The following TBC1D12 variants were observed in gnomAD, a reference collection of about 807,000 sequenced individuals.
The protein encoded by TBC1D12 is TBC1 domain family, member 12.
A neutral mutation model predicts 86.7 loss-of-function variants in TBC1D12; 56 were observed. The observed-to-expected ratio is 0.65, with a 90% CI of 0.52 to 0.81. The LOEUF (loss-of-function observed/expected upper bound fraction) is 0.81, where lower values mean the gene tolerates loss of function less well. TBC1D12 is among the 30% of genes least tolerant of loss of function. The pLI, the probability that TBC1D12 is intolerant of heterozygous loss-of-function variation, is 0.00. For missense variants in TBC1D12, 1,023 were observed against 1,038.8 expected (o/e 0.98, Z 0.21); for synonymous variants, 421 against 411.7 (o/e 1.02, Z -0.27).
At chr10:94,532,007 A>G (rs1842447656) in intron 12 of TBC1D12, among the ~76,000 whole-genome samples, 1 of 150,818 alleles carries the variant, frequency 6.6e-6, no homozygotes, top group Non-Finnish European at 1.5e-5. Flanking sequence ...CAGCCTCCCA[A>G]GTAGCTGGGA....
chr10:94,440,577 A>G (rs1374949101), intron 1 of TBC1D12, among the ~76,000 whole-genome samples: 1 of 152,212 alleles, frequency 6.6e-6, no homozygotes, highest in Non-Finnish European at 1.5e-5. Context: ...TGCACTTTTA[A>G]GATATATTGA....
intron 2 of TBC1D12, among the ~76,000 whole-genome samples, chr10:94,472,268 TA>T (rs1403258712): frequency 6.6e-6 from 1 of 152,154 alleles, no homozygotes; most frequent in Non-Finnish European, 1.5e-5. Context: ...ATGTCATACA[TA>T]GCTACTTTAC....
intron 6 of TBC1D12, among the ~76,000 whole-genome samples, chr10:94,505,830 C>T (rs762439734): frequency 1.2e-4 from 19 of 152,170 alleles, no homozygotes; most frequent in Non-Finnish European, 2.1e-4. Context: ...TATCTACTAA[C>T]GTGGAACAAC....
intron 11 of TBC1D12, among the ~76,000 whole-genome samples, chr10:94,526,611 A>G (rs1842296136): frequency 6.6e-6 from 1 of 152,100 alleles, no homozygotes. Flanking sequence ...TGTATGTACC[A>G]CATTTTCTTT....
intron 2 of TBC1D12, among the ~76,000 whole-genome samples, chr10:94,473,786 A>G (rs1189861171): frequency 6.6e-6 from 1 of 152,184 alleles, no homozygotes; most frequent in Non-Finnish European, 1.5e-5. Context: ...CTATAAATAA[A>G]TTTCAGAAGT....
At position 94,491,937 on chromosome 10, in the gene TBC1D12, A is replaced by C. The variant is rs986485463; in HGVS notation, c.1212-1428A>C. 2.8e-5 allele frequency among the ~76,000 whole-genome samples: 3 copies of C among 108,598 alleles called. 1 individual carries two copies. Among genetic ancestry groups the C allele is most frequent in the African/African-American group, 8.4e-5 (3 of 35,648 alleles). 71.2% of individuals were successfully genotyped at this position (108,598 alleles called of 152,430 possible). On this transcript the variant is annotated intron_variant, in intron 3 of 12. Transcript: ENST00000225235. ...ATAAGAAAAAAAAATCATATGCTGA[A>C]GTTGCTAAGATCTGTGGTAAGAATC...
chr10:94,455,021 T>G (rs1172083566), intron 2 of TBC1D12, among the ~76,000 whole-genome samples: 3 of 152,178 alleles, frequency 2.0e-5, no homozygotes, highest in Admixed American at 2.0e-4. Context: ...GGGTTTTTTG[T>G]AGATGTTCTT....
chr10:94,496,788 C>T (rs1224330393), intron 4 of TBC1D12, among the ~76,000 whole-genome samples: 2 of 152,052 alleles, frequency 1.3e-5, no homozygotes, highest in African/African-American at 4.8e-5. Flanking sequence ...TATTTAAGTC[C>T]AGGAGTTCAA....
chr10:94,489,600 CT>C (rs2056219178), intron 3 of TBC1D12, among the ~76,000 whole-genome samples: 1 of 152,300 alleles, frequency 6.6e-6, no homozygotes, highest in African/African-American at 2.4e-5. Flanking sequence ...CTTCACCCCC[CT>C]ATCTTGGCTT....
intron 2 of TBC1D12, among the ~76,000 whole-genome samples, chr10:94,445,896 C>A (rs1254357196): frequency 6.6e-6 from 1 of 151,722 alleles, no homozygotes; most frequent in Non-Finnish European, 1.5e-5. Context: ...CGTAGTGAGC[C>A]AAGGTCGTGC....
chr10:94,419,043 T>C (rs926379604), intron 1 of TBC1D12, among the ~76,000 whole-genome samples: 1 of 151,954 alleles, frequency 6.6e-6, no homozygotes, highest in Non-Finnish European at 1.5e-5. Flanking sequence ...CCCAGCTATT[T>C]TTTGTATTTT....
intron 3 of TBC1D12, among the ~76,000 whole-genome samples, chr10:94,482,997 T>C (rs1032506060): frequency 6.6e-6 from 1 of 151,936 alleles, no homozygotes; most frequent in Non-Finnish European, 1.5e-5. Context: ...TTTTTGTGGA[T>C]GAATAATACT....
chr10:94,462,914 T>A (rs527267014), intron 2 of TBC1D12, among the ~76,000 whole-genome samples: 6 of 152,338 alleles, frequency 3.9e-5, no homozygotes, highest in Admixed American at 1.3e-4. Flanking sequence ...CATTGATTTC[T>A]GTTCTTTATT....
rs544468256 is a variant in TBC1D12, at chr10:94,403,986, T to TG, written c.971+409dup. ...ATTTTACTACAAACATTTAGGTTGT[T>TG]GGGGGGGTGGTGAGGGGAGGCGGTA... On this transcript the variant is annotated intron_variant, in intron 1 of 12. Transcript: ENST00000225235. Among the ~76,000 whole-genome samples, 337 of 151,774 alleles carry TG rather than the reference T, an allele frequency of 2.2e-3. 1 individual carries two copies. The highest frequency in any genetic ancestry group is 7.1e-3 in the African/African-American group (294 of 41,318).
rs1387132627 is a variant in TBC1D12 at position 94,461,454 on chromosome 10, G to C, written c.1096-13214G>C. Among the ~76,000 whole-genome samples, 5 of 152,246 alleles carry C rather than the reference G, an allele frequency of 3.3e-5. No individual in the cohort carries two copies. In the South Asian group the frequency reaches 1.0e-3, roughly 32 times the overall value. On this transcript the variant is annotated intron_variant, in intron 2 of 12. Coordinates refer to ENST00000225235, the MANE Select transcript of TBC1D12 (RefSeq NM_015188.2). ...ACCTTGTTAAGAACAGAATGTAAAG[G>C]ACTATTTCAAAATAATTACTTTTCC...
chr10:94,430,330 A>G (rs1305737610), intron 1 of TBC1D12, among the ~76,000 whole-genome samples: 1 of 152,220 alleles, frequency 6.6e-6, no homozygotes, highest in East Asian at 1.9e-4. Flanking sequence ...GTTGGCAGTA[A>G]GAAGATTCAG....
At chr10:94,444,898 AT>A (rs1037753667) in intron 2 of TBC1D12, among the ~76,000 whole-genome samples, 3 of 150,112 alleles carry the variant, frequency 2.0e-5, no homozygotes, top group Non-Finnish European at 3.0e-5. Flanking sequence ...CGCCTGGCTA[AT>A]TTTTTTGTAT....
intron 3 of TBC1D12, among the ~76,000 whole-genome samples, chr10:94,492,376 C>A (rs1187969519): frequency 6.6e-6 from 1 of 152,098 alleles, no homozygotes; most frequent in Non-Finnish European, 1.5e-5. Context: ...AGCAGTTTGA[C>A]AGTTTATTGT....
At chr10:94,480,987 T>G (rs1049353248) in intron 3 of TBC1D12, among the ~76,000 whole-genome samples, 12 of 151,506 alleles carry the variant, frequency 7.9e-5, no homozygotes, top group South Asian at 2.1e-4. Context: ...TACATCTCCA[T>G]CAGAGCTCTT....
Sources: allele counts gnomAD v4.1 joint callset (sites outside exome capture counted in the v4.1 genomes callset), GRCh38; gene constraint gnomAD v4.1.1; transcripts MANE v1.5; gene names NCBI Gene and HGNC (gene_info 2026-07-23, HGNC 2026-07-21).